FRG1: variants seen among roughly 807,000 people sequenced by gnomAD.
FRG1 encodes the protein protein FRG1.
In FRG1, 19 loss-of-function variants were observed where a neutral mutation model predicts 37.0. The observed-to-expected ratio is 0.51, with a 90% CI of 0.36 to 0.75. FRG1 has a LOEUF of 0.75. Among genes scored for constraint, FRG1 ranks in the 30% least tolerant of loss-of-function variants. FRG1 has a pLI of 0.00. For missense variants in FRG1, 243 were observed against 301.4 expected (o/e 0.81, Z 1.44); for synonymous variants, 73 against 96.5 (o/e 0.76, Z 1.43).
intron 2 of FRG1, among the ~76,000 whole-genome samples, chr4:189,944,632 T>C (rs749937660): frequency 2.2e-4 from 33 of 152,288 alleles, no homozygotes; most frequent in Middle Eastern, 3.4e-3. Flanking sequence ...TTTAAACATC[T>C]TGATAGCCAG....
chr4:189,958,523 T>G (rs1482553319), intron 6 of FRG1, among the ~76,000 whole-genome samples: 2 of 152,268 alleles, frequency 1.3e-5, no homozygotes, highest in Non-Finnish European at 2.9e-5. Context: ...GATTTTTATT[T>G]TATTTTTAAA....
At chr4:189,949,253 A>T (rs1181532630) in intron 2 of FRG1, among the ~76,000 whole-genome samples, 1 of 152,064 alleles carries the variant, frequency 6.6e-6, no homozygotes, top group Non-Finnish European at 1.5e-5. Flanking sequence ...CACAGCTAAA[A>T]CCCCAGAGTG....
chr4:189,941,686 T>A (rs1326505774), intron 1 of FRG1: 2 of 218,648 alleles, frequency 9.1e-6, no homozygotes, highest in African/African-American at 4.7e-5. Flanking sequence ...TTTATACTTT[T>A]AGAAGACTGT....
intron 2 of FRG1, among the ~76,000 whole-genome samples, chr4:189,944,227 A>T (rs574905311): frequency 5.3e-5 from 8 of 152,206 alleles, no homozygotes; most frequent in African/African-American, 1.4e-4. Flanking sequence ...CCCAAGCTGG[A>T]ATGCAGTGAT....
chr4:189,956,201 A>T (rs6848904), intron 5 of FRG1, among the ~76,000 whole-genome samples: 50,070 of 151,886 alleles, frequency 0.33, 8,395 homozygotes, highest in Middle Eastern at 0.43. Context: ...TTCCTCTGTG[A>T]GTCTGTGTGT....
intron 5 of FRG1, 107 bp from the exon 6 acceptor site, chr4:189,957,291 T>C (rs1482808423): frequency 1.4e-6 from 2 of 1,468,140 alleles, no homozygotes; most frequent in East Asian, 5.0e-5. Context: ...TCTAAGTTCT[T>C]TTCTGTGATT....
chr4:189,957,752 C>G (rs6825497), intron 6 of FRG1, among the ~76,000 whole-genome samples: 1 of 152,100 alleles, frequency 6.6e-6, no homozygotes, highest in Non-Finnish European at 1.5e-5. Flanking sequence ...GTATCTTCTT[C>G]TGGTAGTTCC....
chr4:189,951,773 T>G (rs1000090727), intron 2 of FRG1, among the ~76,000 whole-genome samples: 4 of 152,126 alleles, frequency 2.6e-5, no homozygotes, highest in African/African-American at 9.7e-5. Context: ...CAAGTGATCC[T>G]CTTTCCCCAG....
Position 189,941,078 on chromosome 4 carries a change from C to G in FRG1, c.62+7C>G, listed in dbSNP as rs746577596. On this transcript the variant is annotated splice_region_variant and intron_variant, in intron 1 of 8. Coordinates refer to ENST00000226798, the MANE Select transcript of FRG1 (RefSeq NM_004477.3). ...AGGGAACCAAGACGAAGAGGTGGGT[C>G]CTGCAGCTTGGGCGGGAGCCTCCTC... is the stretch of plus-strand genomic sequence containing the variant. 6.2e-7 allele frequency: 1 copy of G among 1,613,466 alleles called. No homozygotes were observed. Among genetic ancestry groups the G allele is most frequent in the South Asian group, 1.1e-5 (1 of 91,068 alleles).
At chr4:189,942,386 C>T (rs558431250) in intron 1 of FRG1, among the ~76,000 whole-genome samples, 1 of 152,270 alleles carries the variant, frequency 6.6e-6, no homozygotes, top group Admixed American at 6.5e-5. Flanking sequence ...ATCCCATCCT[C>T]CCCCTCTCCT....
intron 2 of FRG1, among the ~76,000 whole-genome samples, chr4:189,948,546 T>C (rs1251484962): frequency 1.3e-5 from 2 of 152,034 alleles, no homozygotes; most frequent in East Asian, 3.9e-4. Flanking sequence ...AAGCACATAA[T>C]GATAGTAGAG....
rs781549227 is a variant in FRG1, at chr4:189,953,058, T to C, written c.260-10T>C. ...GTCAAATTTATTTTCAAATGTTTTT[T>C]CTCCAATAGTTGATGAGGGCCCTAG... On this transcript the variant is annotated splice_polypyrimidine_tract_variant and intron_variant, in intron 3 of 8. Transcript: ENST00000226798. 8.8e-5 allele frequency: 137 copies of C among 1,555,974 alleles called. 1 individual carries two copies. The South Asian group carries it at 1.6e-3, about 19-fold the overall frequency.
At chr4:189,956,904 A>G (rs1737005779) in intron 5 of FRG1, among the ~76,000 whole-genome samples, 1 of 152,248 alleles carries the variant, frequency 6.6e-6, no homozygotes, top group Non-Finnish European at 1.5e-5. Context: ...AAAAAAGTAT[A>G]TGAATATTTA....
At chr4:189,950,544 G>A (rs191819695) in intron 2 of FRG1, among the ~76,000 whole-genome samples, 1 of 151,854 alleles carries the variant, frequency 6.6e-6, no homozygotes, top group African/African-American at 2.4e-5. Flanking sequence ...TTTTGTATTT[G>A]GCATTAGATA....
chr4:189,941,904 T>C (rs79070619), intron 1 of FRG1: 2 of 437,068 alleles, frequency 4.6e-6, no homozygotes, highest in African/African-American at 2.0e-5. Flanking sequence ...TTTTGATATT[T>C]TTAGGCGAGA....
chr4:189,953,926 A>C (rs1465259408), intron 4 of FRG1, among the ~76,000 whole-genome samples: 1 of 152,190 alleles, frequency 6.6e-6, no homozygotes, highest in Non-Finnish European at 1.5e-5. Context: ...TTAACTGACA[A>C]ATGAGGAAAA....
chr4:189,960,074 C>T (rs1737164722), intron 6 of FRG1, among the ~76,000 whole-genome samples: 1 of 152,200 alleles, frequency 6.6e-6, no homozygotes, highest in Admixed American at 6.5e-5. Flanking sequence ...ATGTCATTTG[C>T]ACAAACACGT....
intron 2 of FRG1, among the ~76,000 whole-genome samples, chr4:189,944,133 C>A (rs1176300029): frequency 6.6e-6 from 1 of 152,094 alleles, no homozygotes; most frequent in African/African-American, 2.4e-5. Flanking sequence ...GTCTTTTCTC[C>A]CAGTCTGAGT....
At chr4:189,952,396 T>A (rs1448674383) in intron 3 of FRG1, 109 bp downstream of exon 3, 2 of 1,013,722 alleles carry the variant, frequency 2.0e-6, no homozygotes, top group Non-Finnish European at 2.9e-6. Context: ...AATGGAACCA[T>A]TGCATTTGAC....
Sources: gnomAD v4.1 joint callset for allele counts (sites outside exome capture counted in the v4.1 genomes callset) on GRCh38, gnomAD v4.1.1 for gene constraint, MANE v1.5 for transcripts, NCBI Gene and HGNC (gene_info 2026-07-23, HGNC 2026-07-21) for gene names.